Variants in AHI1 observed in about 807,000 individuals in gnomAD.
AHI1 encodes Abelson helper integration site 1, also known as jouberin.
Under a neutral mutation model 149.3 loss-of-function variants are expected in AHI1, and 123 were observed. That is an observed-to-expected ratio of 0.82 (90% confidence interval 0.71 to 0.96). The LOEUF is 0.96. Ranked by LOEUF, AHI1 falls within the 40% of genes least tolerant of loss-of-function variation. AHI1 has a pLI of 0.00. For synonymous variants in AHI1, 475 were observed against 459.8 expected, an observed-to-expected ratio of 1.03 and a Z score of -0.42; for missense variants, 1,439 against 1,422.7, an observed-to-expected ratio of 1.01 and a Z score of -0.18.
In AHI1 at chr6:135,467,628, T is replaced by C; in HGVS notation, c.142A>G (p.Thr48Ala). ...ATATAGTGAAGATTGCTTCTAATAG[T>C]GTCAGGCTAAAAAGGAAGACATAAT... ...VRSEENISPD[T>A]IRSNLHYMKE... Residue 48 changes from threonine to alanine, a missense_variant, in exon 6 of 29, where the codon ACT becomes GCT. Physicochemically the swap from Thr to Ala is moderately conservative, Grantham distance 58. Coordinates refer to ENST00000265602, the MANE Select transcript of AHI1 (RefSeq NM_001134831.2). 1 of 1,604,892 alleles carries C rather than the reference T, an allele frequency of 6.2e-7. No individual in the cohort carries two copies. The highest frequency in any genetic ancestry group is 8.5e-7 in the Non-Finnish European group (1 of 1,174,154).
At chr6:135,486,432 T>C (rs1794484656) in intron 5 of AHI1, among the ~76,000 whole-genome samples, 2 of 152,234 alleles carry the variant, frequency 1.3e-5, no homozygotes, top group African/African-American at 4.8e-5. Context: ...GATAGCTTTT[T>C]TCCTTGTTAT....
At chr6:135,325,154 G>C (rs1231055741) in intron 24 of AHI1, among the ~76,000 whole-genome samples, 2 of 151,950 alleles carry the variant, frequency 1.3e-5, no homozygotes, top group Non-Finnish European at 2.9e-5. Flanking sequence ...AGCCTCCTGA[G>C]TAGTTGGGAT....
chr6:135,472,845 A>C (rs140837289), intron 5 of AHI1, among the ~76,000 whole-genome samples: 321 of 152,276 alleles, frequency 2.1e-3, no homozygotes, highest in African/African-American at 7.1e-3. Context: ...GTTTGTTTTC[A>C]TATCAGTGAG....
chr6:135,497,346 G>A (rs1001880160), intron 1 of AHI1, 97 bp from the exon 2 acceptor site: 1 of 152,318 alleles, frequency 6.6e-6, no homozygotes, highest in Non-Finnish European at 1.5e-5. Flanking sequence ...CTCTATCAGA[G>A]CACCATGCTC....
Position 135,465,804 on chromosome 6 carries a change from G to A in AHI1, c.749+10C>T, listed in dbSNP as rs746057253. 1.4e-6 allele frequency: 2 copies of A among 1,442,690 alleles called. No homozygotes were observed. Among genetic ancestry groups the A allele is most frequent in the Non-Finnish European group, 1.8e-6 (2 of 1,098,960 alleles). 89.4% of individuals were successfully genotyped at this position (1,442,690 alleles called of 1,614,324 possible). On this transcript the variant is annotated intron_variant, in intron 7 of 28. Transcript: ENST00000265602. ...AAGAGGATATTTTACATTTATCAAT[G>A]CAAAAATACCTTGTTTCAGCTTTAG...
intron 7 of AHI1, among the ~76,000 whole-genome samples, chr6:135,464,285 T>C (rs544116667): frequency 5.3e-5 from 8 of 152,318 alleles, no homozygotes; most frequent in Admixed American, 2.0e-4. Flanking sequence ...CCCTGTTCTT[T>C]AAGGAGAACA....
rs531034326 is a variant in AHI1, at chr6:135,333,681, T to G, written c.3166-10357A>C. Reference sequence around the variant, plus strand: ...TTGAAAGCATTTAATTCCAGATATCTTCTGATAAAATAATGACTAAAGGTG... The same window carrying G: ...TTGAAAGCATTTAATTCCAGATATCGTCTGATAAAATAATGACTAAAGGTG... On this transcript the variant is annotated intron_variant, in intron 24 of 28. Coordinates refer to ENST00000265602, the MANE Select transcript of AHI1 (RefSeq NM_001134831.2). 1.4e-4 allele frequency among the ~76,000 whole-genome samples: 21 copies of G among 152,302 alleles called. No individual in the cohort carries two copies. The South Asian group carries it at 4.1e-3, about 30-fold the overall frequency.
chr6:135,365,549 G>A (rs1774051568), intron 23 of AHI1, among the ~76,000 whole-genome samples: 1 of 152,104 alleles, frequency 6.6e-6, no homozygotes, highest in South Asian at 2.1e-4. Flanking sequence ...ACATTCCTAA[G>A]TATTTTATTT....
At chr6:135,454,082 C>T (rs147136927) in intron 10 of AHI1, among the ~76,000 whole-genome samples, 2 of 152,146 alleles carry the variant, frequency 1.3e-5, no homozygotes, top group Non-Finnish European at 2.9e-5. Context: ...AGACTCCAAT[C>T]ATCTGTGCTT....
At chr6:135,371,768 G>C (rs1775101775) in intron 23 of AHI1, among the ~76,000 whole-genome samples, 1 of 152,194 alleles carries the variant, frequency 6.6e-6, no homozygotes, top group Admixed American at 6.5e-5. Context: ...ATATCAGAAT[G>C]AAGTTTTCCT....
intron 23 of AHI1, among the ~76,000 whole-genome samples, chr6:135,371,667 T>C (rs1015602377): frequency 2.0e-5 from 3 of 152,230 alleles, no homozygotes; most frequent in Non-Finnish European, 4.4e-5. Flanking sequence ...CTTTCTACTC[T>C]AGAGATTTTA....
chr6:135,430,473 A>C (rs1784494947), intron 17 of AHI1, among the ~76,000 whole-genome samples: 1 of 151,950 alleles, frequency 6.6e-6, no homozygotes, highest in South Asian at 2.1e-4. Flanking sequence ...GATTTAACTA[A>C]AATTCATGGA....
intron 25 of AHI1, among the ~76,000 whole-genome samples, chr6:135,320,330 G>C (rs916686079): frequency 6.6e-6 from 1 of 152,122 alleles, no homozygotes; most frequent in African/African-American, 2.4e-5. Flanking sequence ...TATGGCAGTT[G>C]AAAGATGGTC....
In AHI1 at chr6:135,404,966, A is replaced by G. The variant is rs1338626226; in HGVS notation, c.2973T>C (p.Arg991=). 6.2e-7 allele frequency: 1 copy of G among 1,608,246 alleles called. No homozygotes were observed. The highest frequency in any genetic ancestry group is 1.1e-5 in the South Asian group (1 of 90,918). ...AACTACTTACTTTTGCAGCACAGGA[A>G]CGTATCACCTCCTAAAAGAAATACA... ...QRLETVTEVI[R]SCAAKVNKNL... is the part of the protein sequence containing the mutation. Residue 991 remains arginine (R), a synonymous_variant, in exon 22 of 29, where the codon CGT becomes CGC. Coordinates refer to ENST00000265602, the MANE Select transcript of AHI1 (RefSeq NM_001134831.2).
chr6:135,386,539 T>G (rs966885076), intron 23 of AHI1, among the ~76,000 whole-genome samples: 3 of 152,196 alleles, frequency 2.0e-5, no homozygotes, highest in Non-Finnish European at 4.4e-5. Flanking sequence ...CTCGATCTCC[T>G]GACCTTGTGA....
intron 24 of AHI1, among the ~76,000 whole-genome samples, chr6:135,346,315 C>T (rs1163676288): frequency 1.3e-5 from 2 of 152,190 alleles, no homozygotes; most frequent in African/African-American, 4.8e-5. Context: ...CTGCCTCACC[C>T]TCCCGAGTAG....
chr6:135,357,944 T>C (rs1029528304), intron 24 of AHI1, among the ~76,000 whole-genome samples, 188 bp downstream of exon 24: 1 of 152,236 alleles, frequency 6.6e-6, no homozygotes, highest in Admixed American at 6.5e-5. Flanking sequence ...TTTGCACAAA[T>C]ACTTACATTA....
In AHI1 at chr6:135,326,867, G is replaced by A. The variant is rs117584242; in HGVS notation, c.3166-3543C>T. On this transcript the variant is annotated intron_variant, in intron 24 of 28. Transcript: ENST00000265602. ...GAACCACTGCACCTGGCCCCCGACAGGTAATTTTTCATTCTTCATCCCTCT... is the reference window on the plus strand; with the variant it reads ...GAACCACTGCACCTGGCCCCCGACAAGTAATTTTTCATTCTTCATCCCTCT... 7.8e-4 allele frequency among the ~76,000 whole-genome samples: 118 copies of A among 152,174 alleles called. 4 individuals are homozygous for A. In the East Asian group the frequency reaches 0.021, roughly 26 times the overall value.
At chr6:135,482,150 T>C (rs1048435151) in intron 5 of AHI1, among the ~76,000 whole-genome samples, 3 of 152,190 alleles carry the variant, frequency 2.0e-5, no homozygotes, top group Non-Finnish European at 4.4e-5. Flanking sequence ...CAATGTATTC[T>C]GTCCCCACTC....
Sources: allele counts gnomAD v4.1 joint callset (sites outside exome capture counted in the v4.1 genomes callset), GRCh38; gene constraint gnomAD v4.1.1; transcripts MANE v1.5; gene names NCBI Gene and HGNC (gene_info 2026-07-23, HGNC 2026-07-21).